CPEB1: variants seen among roughly 807,000 people sequenced by gnomAD.
CPEB1 encodes the protein cytoplasmic polyadenylation element binding protein 1, also known as cytoplasmic polyadenylation element-binding protein 1.
A neutral mutation model predicts 65.8 loss-of-function variants in CPEB1; 7 were observed. The observed-to-expected ratio is 0.11, with a 90% CI of 0.06 to 0.20. CPEB1 has a LOEUF of 0.20. Among genes scored for constraint, CPEB1 ranks in the 10% least tolerant of loss-of-function variants. The pLI, the probability that CPEB1 is intolerant of heterozygous loss-of-function variation, is 1.00. For synonymous variants in CPEB1, 262 were observed against 260.0 expected (o/e 1.01, Z -0.08); for missense variants, 551 against 712.2 (o/e 0.77, Z 2.58).
At chr15:82,621,960 T>C (rs905688161) in intron 3 of CPEB1, among the ~76,000 whole-genome samples, 14 of 152,186 alleles carry the variant, frequency 9.2e-5, no homozygotes, top group Non-Finnish European at 1.8e-4. Flanking sequence ...ATTGCCTCCA[T>C]CCTAAATATT....
intron 1 of CPEB1, chr15:82,629,418 G>A (rs2046050498): frequency 2.0e-6 from 2 of 984,032 alleles, no homozygotes; most frequent in Middle Eastern, 5.2e-4. Context: ...GAGAAGATGG[G>A]TAAGACATTA....
chr15:82,600,383 A>G (rs536707440), intron 3 of CPEB1, among the ~76,000 whole-genome samples: 1 of 152,350 alleles, frequency 6.6e-6, no homozygotes, highest in South Asian at 2.1e-4. Context: ...CAATAAAAAT[A>G]TTCATCTTTA....
At chr15:82,627,729 A>C (rs75105162) in intron 2 of CPEB1, among the ~76,000 whole-genome samples, 4 of 152,196 alleles carry the variant, frequency 2.6e-5, no homozygotes, top group African/African-American at 9.7e-5. Context: ...TTAAGGGAAA[A>C]GGTAAACACC....
At chr15:82,606,909 G>A (rs1167050780) in intron 3 of CPEB1, among the ~76,000 whole-genome samples, 1 of 151,844 alleles carries the variant, frequency 6.6e-6, no homozygotes, top group Non-Finnish European at 1.5e-5. Flanking sequence ...AAGGTGGGAA[G>A]ATCACTTAAG....
intron 1 of CPEB1, among the ~76,000 whole-genome samples, chr15:82,640,141 A>T (rs1368779154): frequency 6.6e-6 from 1 of 152,146 alleles, no homozygotes; most frequent in Admixed American, 6.6e-5. Context: ...GGGACCAGAC[A>T]TAACAGGCGT....
chr15:82,609,308 A>G (rs1179480074), intron 3 of CPEB1, among the ~76,000 whole-genome samples: 2 of 152,030 alleles, frequency 1.3e-5, no homozygotes, highest in Non-Finnish European at 2.9e-5. Flanking sequence ...GAGACAGCCC[A>G]GGCAACATAG....
At chr15:82,564,078 G>C (rs76655433) in intron 4 of CPEB1, among the ~76,000 whole-genome samples, 3,331 of 152,200 alleles carry the variant, frequency 0.022, 122 homozygotes, top group African/African-American at 0.075. Flanking sequence ...AAAAAGTTGT[G>C]CCTTCTCAAC....
chr15:82,621,154 C>T (rs984081251), intron 3 of CPEB1, among the ~76,000 whole-genome samples: 40 of 152,130 alleles, frequency 2.6e-4, no homozygotes, highest in African/African-American at 9.2e-4. Context: ...AATTTAGTGA[C>T]GATACGGTTT....
chr15:82,569,285 T>C (rs1247536784), intron 4 of CPEB1, among the ~76,000 whole-genome samples: 1 of 152,148 alleles, frequency 6.6e-6, no homozygotes, highest in Admixed American at 6.5e-5. Flanking sequence ...AGAAGAGCAA[T>C]GGCTGTCACC....
chr15:82,637,643 C>G (rs2046772822), intron 1 of CPEB1, among the ~76,000 whole-genome samples: 1 of 151,958 alleles, frequency 6.6e-6, no homozygotes, highest in Non-Finnish European at 1.5e-5. Flanking sequence ...TTTTTCAAAC[C>G]AAGTTCACTG....
intron 1 of CPEB1, among the ~76,000 whole-genome samples, chr15:82,630,472 G>A (rs2046144317): frequency 6.6e-6 from 1 of 152,124 alleles, no homozygotes; most frequent in African/African-American, 2.4e-5. Flanking sequence ...CAGGTATGGT[G>A]GTACATGCCT....
At chr15:82,551,338 C>T (rs932467196) in intron 9 of CPEB1, among the ~76,000 whole-genome samples, 5 of 152,010 alleles carry the variant, frequency 3.3e-5, no homozygotes, top group African/African-American at 1.2e-4. Flanking sequence ...TACTCTCTGC[C>T]CCCACACTTG....
chr15:82,573,754 AC>A (rs1172877699), intron 3 of CPEB1, among the ~76,000 whole-genome samples: 1 of 152,106 alleles, frequency 6.6e-6, no homozygotes, highest in Non-Finnish European at 1.5e-5. Context: ...CTCAGGCCCC[AC>A]CCAAGACCGA....
chr15:82,625,993 G>A (rs1162555800), intron 3 of CPEB1, among the ~76,000 whole-genome samples: 1 of 151,766 alleles, frequency 6.6e-6, no homozygotes, highest in African/African-American at 2.4e-5. Context: ...GGTGGCGGGT[G>A]CCTGTAATCC....
At chr15:82,573,858 T>C (rs1399264905) in intron 3 of CPEB1, among the ~76,000 whole-genome samples, 4 of 152,192 alleles carry the variant, frequency 2.6e-5, no homozygotes, top group African/African-American at 4.8e-5. Flanking sequence ...CTCATGCCTA[T>C]AATCCCAGAA....
At chr15:82,567,247 A>T (rs2039283071) in intron 4 of CPEB1, among the ~76,000 whole-genome samples, 1 of 152,028 alleles carries the variant, frequency 6.6e-6, no homozygotes, top group Non-Finnish European at 1.5e-5. Context: ...AAGACTCCCC[A>T]CTCATCTTAG....
At chr15:82,620,732 G>A (rs966060366) in intron 3 of CPEB1, among the ~76,000 whole-genome samples, 1 of 152,164 alleles carries the variant, frequency 6.6e-6, no homozygotes, top group Admixed American at 6.5e-5. Flanking sequence ...GAGCCCAGGA[G>A]TTCAAGGCTG....
intron 4 of CPEB1, chr15:82,562,211 A>C (rs1241896913): frequency 2.2e-6 from 1 of 453,902 alleles, no homozygotes; most frequent in Admixed American, 2.4e-5. Context: ...CACATTCCTC[A>C]GCACTTTTCC....
intron 9 of CPEB1, among the ~76,000 whole-genome samples, chr15:82,552,190 T>C (rs1270064115): frequency 6.6e-6 from 1 of 152,016 alleles, no homozygotes; most frequent in Non-Finnish European, 1.5e-5. Context: ...GAAACCAAAG[T>C]GTTGGCTACA....
Sources: gnomAD v4.1 joint callset for allele counts (sites outside exome capture counted in the v4.1 genomes callset) on GRCh38, gnomAD v4.1.1 for gene constraint, MANE v1.5 for transcripts, NCBI Gene and HGNC (gene_info 2026-07-23, HGNC 2026-07-21) for gene names.